Variants in ZNF346 observed in about 807,000 individuals in gnomAD.
The protein encoded by ZNF346 is zinc finger protein 346.
In ZNF346, 23 loss-of-function variants were observed where a neutral mutation model predicts 33.7. The observed-to-expected ratio is 0.68, with a 90% confidence interval of 0.49 to 0.97. The LOEUF (loss-of-function observed/expected upper bound fraction) is 0.97. ZNF346 is among the 50% of genes least tolerant of loss of function. The pLI is 0.00. For synonymous variants in ZNF346, 134 were observed against 142.4 expected (o/e 0.94, Z 0.42); for missense variants, 340 against 371.1 (o/e 0.92, Z 0.69).
chr5:177,038,080 ATT>A (rs1374251869), intron 1 of ZNF346, among the ~76,000 whole-genome samples: 5 of 139,678 alleles, frequency 3.6e-5, no homozygotes, highest in African/African-American at 5.3e-5. Context: ...CCCCATGATG[ATT>A]TTTTTTTTTT....
At chr5:177,045,688 A>G (rs1429402646) in intron 4 of ZNF346, among the ~76,000 whole-genome samples, 2 of 151,832 alleles carry the variant, frequency 1.3e-5, no homozygotes, top group Admixed American at 6.6e-5. Context: ...ATGGCTTCTC[A>G]CTATATTGCT....
chr5:177,079,097 T>G (rs1315277771), intron 8 of ZNF346, among the ~76,000 whole-genome samples: 1 of 151,514 alleles, frequency 6.6e-6, no homozygotes, highest in East Asian at 1.9e-4. Context: ...ATGGTGAAGC[T>G]CCGTCTCTAC....
At chr5:177,071,807 T>C (rs995954269), downstream of ZNF346, among the ~76,000 whole-genome samples, 1 of 151,856 alleles carries the variant, frequency 6.6e-6, no homozygotes, top group Non-Finnish European at 1.5e-5. Context: ...TAAAATACAA[T>C]AGGAAGAACA....
At chr5:177,039,178 A>G (rs985042440) in intron 1 of ZNF346, among the ~76,000 whole-genome samples, 1 of 151,476 alleles carries the variant, frequency 6.6e-6, no homozygotes, top group Non-Finnish European at 1.5e-5. Flanking sequence ...GGCATTACCA[A>G]TCGTGCCTGG....
At chr5:177,032,837 C>A (rs983907229) in intron 1 of ZNF346, among the ~76,000 whole-genome samples, 1 of 152,158 alleles carries the variant, frequency 6.6e-6, no homozygotes, top group African/African-American at 2.4e-5. Flanking sequence ...AGAAGGATCA[C>A]TTGAGGCCAG....
At chr5:177,035,214 G>A (rs964112066) in intron 1 of ZNF346, among the ~76,000 whole-genome samples, 9 of 151,978 alleles carry the variant, frequency 5.9e-5, no homozygotes, top group Non-Finnish European at 1.3e-4. Context: ...ACGGGGGTTT[G>A]CCATGTTGGC....
chr5:177,035,135 GC>G (rs1297995613), intron 1 of ZNF346, among the ~76,000 whole-genome samples: 14 of 151,866 alleles, frequency 9.2e-5, no homozygotes, highest in Admixed American at 3.3e-4. Context: ...TTGTGCCTCA[GC>G]CTCCCAAGTA....
chr5:177,052,086 G>A (rs888113171), intron 5 of ZNF346, among the ~76,000 whole-genome samples: 1 of 152,102 alleles, frequency 6.6e-6, no homozygotes, highest in East Asian at 1.9e-4. Context: ...GATAACTTGA[G>A]CCCAGGAGGT....
intron 1 of ZNF346, among the ~76,000 whole-genome samples, chr5:177,040,370 G>C (rs1433654619): frequency 2.6e-5 from 4 of 152,028 alleles, no homozygotes; most frequent in Admixed American, 6.6e-5. Context: ...TTTAGAGACA[G>C]AGTCTAGCTC....
At chr5:177,063,906 A>T (rs56280953) in intron 6 of ZNF346, among the ~76,000 whole-genome samples, 20,001 of 124,326 alleles carry the variant, frequency 0.16, 2,990 homozygotes, top group African/African-American at 0.43. Flanking sequence ...TCAAAATTTT[A>T]AAAAAGCCTC....
chr5:177,023,197 A>T, intron 1 of ZNF346: 1 of 1,536,166 alleles, frequency 6.5e-7, no homozygotes, highest in Non-Finnish European at 8.7e-7. Flanking sequence ...TCATCCCTAT[A>T]CTCGTCCTGT....
At chr5:177,080,379 A>T (rs1783929307) in exon 9 of ZNF346, 1 of 152,260 alleles carries the variant, frequency 6.6e-6, no homozygotes. Context: ...GGTATATGCC[A>T]GGCACTGGCA....
intron 1 of ZNF346, 93 bp downstream of exon 1, chr5:177,023,006 G>T: frequency 1.4e-6 from 2 of 1,441,450 alleles, no homozygotes; most frequent in South Asian, 1.4e-5. Context: ...CCCCTGGCCC[G>T]CCTCCTTGCG....
Position 177,066,821 on chromosome 5 carries a change from G to A in ZNF346, c.*2222G>A, listed in dbSNP as rs1289129716. Among the ~76,000 whole-genome samples the A allele has an allele frequency of 6.6e-6, 1 of 152,086 alleles. No homozygotes were observed. Among genetic ancestry groups the A allele is most frequent in the South Asian group, 2.1e-4 (1 of 4,834 alleles). On this transcript the variant is annotated 3_prime_UTR_variant, in exon 7 of 7. Transcript: ENST00000358149. ...CGCCTGTAATCCAAGCACTTTGAGAGGCCAAGGCAGGTGGATAACCTGAGG... is the reference window on the plus strand; with the variant it reads ...CGCCTGTAATCCAAGCACTTTGAGAAGCCAAGGCAGGTGGATAACCTGAGG...
At chr5:177,023,198 C>T (rs1776116915) in intron 1 of ZNF346, 4 of 1,536,678 alleles carry the variant, frequency 2.6e-6, no homozygotes, top group Non-Finnish European at 3.5e-6. Flanking sequence ...CATCCCTATA[C>T]TCGTCCTGTC....
intron 1 of ZNF346, among the ~76,000 whole-genome samples, chr5:177,037,927 T>G (rs944401560): frequency 3.9e-5 from 6 of 152,164 alleles, no homozygotes; most frequent in Admixed American, 3.9e-4. Flanking sequence ...CTACCATTCT[T>G]CTCTCATTCA....
At chr5:177,057,993 G>T (rs988756414) in intron 5 of ZNF346, among the ~76,000 whole-genome samples, 1 of 148,722 alleles carries the variant, frequency 6.7e-6, no homozygotes, top group African/African-American at 2.5e-5. Flanking sequence ...AGCTAATTTT[G>T]TATTTTTAGT....
intron 3 of ZNF346, among the ~76,000 whole-genome samples, chr5:177,043,413 A>T (rs1326914403): frequency 6.6e-6 from 1 of 152,088 alleles, no homozygotes; most frequent in African/African-American, 2.4e-5. Context: ...AGATGCTGGG[A>T]TCCCTTTATG....
At chr5:177,050,176 T>C (rs1780663320) in intron 4 of ZNF346, among the ~76,000 whole-genome samples, 1 of 152,212 alleles carries the variant, frequency 6.6e-6, no homozygotes, top group Non-Finnish European at 1.5e-5. Flanking sequence ...GCCTATAATA[T>C]GCAATGTAGC....
Sources: gnomAD v4.1 joint callset for allele counts (sites outside exome capture counted in the v4.1 genomes callset) on GRCh38, gnomAD v4.1.1 for gene constraint, MANE v1.5 for transcripts, NCBI Gene and HGNC (gene_info 2026-07-23, HGNC 2026-07-21) for gene names.